PCDHGB1: variants seen among roughly 807,000 people sequenced by gnomAD.
PCDHGB1 encodes the protein protocadherin gamma subfamily B, 1, also known as protocadherin gamma-B1.
Under a neutral mutation model 56.6 loss-of-function variants are expected in PCDHGB1, and 34 were observed. The ratio of observed to expected loss-of-function variants is 0.60; its 90% CI spans 0.46 to 0.80. The LOEUF (loss-of-function observed/expected upper bound fraction) is 0.80. PCDHGB1 is among the 30% of genes least tolerant of loss of function. The probability of loss-of-function intolerance (pLI) is 0.00; values close to 1 mark genes in which losing one functional copy is unlikely to be tolerated. For missense variants in PCDHGB1, 1,278 were observed against 1,204.6 expected, an observed-to-expected ratio of 1.06 and a Z score of -0.90; for synonymous variants, 561 against 505.9, an observed-to-expected ratio of 1.11 and a Z score of -1.46.
chr5:141,393,085 ATCGGGAGGAGC>A (rs2092673421), intron 1 of PCDHGB1: 1 of 1,613,542 alleles, frequency 6.2e-7, no homozygotes, highest in African/African-American at 1.3e-5. Flanking sequence ...GGCAGGATAG[ATCGGGAGGAGC>A]TCTGCGCTCA....
At chr5:141,503,023 A>AAT (rs2099817696) in intron 2 of PCDHGB1, among the ~76,000 whole-genome samples, 1 of 141,888 alleles carries the variant, frequency 7.0e-6, no homozygotes, top group African/African-American at 2.6e-5. Context: ...TTTTTTTTTT[A>AAT]ATATCTATTT....
chr5:141,385,368 T>TG, intron 1 of PCDHGB1: 4 of 1,535,720 alleles, frequency 2.6e-6, no homozygotes, highest in Non-Finnish European at 3.5e-6. Flanking sequence ...TTTATTTGCA[T>TG]GATATTTCTC....
rs1313971451 is a variant in PCDHGB1 at position 141,367,488 on chromosome 5, G to T, written c.2409+14819G>T. On this transcript the variant is annotated intron_variant, in intron 1 of 3. Transcript: ENST00000523390. ...GGAGGAGGAGCTTGCAGTAAGCCGAGATCGCGCCACTGCACTCCAGCCTGG... is the reference window on the plus strand; with the variant it reads ...GGAGGAGGAGCTTGCAGTAAGCCGATATCGCGCCACTGCACTCCAGCCTGG... 2.0e-5 allele frequency: 3 copies of T among 152,134 alleles called. No individual in the cohort carries two copies. In the East Asian group the frequency reaches 5.8e-4, roughly 29 times the overall value. The allele number at this position is 152,134 out of a possible 1,614,324, so 9.4% of individuals were successfully genotyped here.
intron 1 of PCDHGB1, chr5:141,422,368 G>A: frequency 1.9e-6 from 3 of 1,565,294 alleles, no homozygotes; most frequent in Non-Finnish European, 2.6e-6. Context: ...TGGAGAAAAT[G>A]GTCAAGTCTC....
At chr5:141,387,885 A>C (rs748815627) in intron 1 of PCDHGB1, 1 of 1,578,800 alleles carries the variant, frequency 6.3e-7, no homozygotes, top group Non-Finnish European at 8.6e-7. Flanking sequence ...AGCAAGAGGG[A>C]TGGGGAGCGG....
At chr5:141,365,821 G>T (rs756787528) in intron 1 of PCDHGB1, 1 of 1,613,908 alleles carries the variant, frequency 6.2e-7, no homozygotes, top group East Asian at 2.2e-5. Flanking sequence ...ACACATTTCA[G>T]GGGGCGCCCT....
chr5:141,505,597 T>C, intron 3 of PCDHGB1, 116 bp downstream of exon 3: 1 of 1,558,330 alleles, frequency 6.4e-7, no homozygotes, highest in Non-Finnish European at 8.7e-7. Context: ...TCCAGATCTT[T>C]CGGCAGGTCT....
Position 141,375,615 on chromosome 5 carries a change from C to G in PCDHGB1, c.2409+22946C>G, listed in dbSNP as rs778578584. Reference sequence around the variant, plus strand: ...TCCTACGTGTCCATCAACTCCGACACTGGGATTCTGTACGCCCTGCGCTCC... The same window carrying G: ...TCCTACGTGTCCATCAACTCCGACAGTGGGATTCTGTACGCCCTGCGCTCC... On this transcript the variant is annotated intron_variant, in intron 1 of 3. Coordinates refer to ENST00000523390, the MANE Select transcript of PCDHGB1 (RefSeq NM_018922.3). The G allele has an allele frequency of 6.8e-6, 11 of 1,614,124 alleles. No homozygotes were observed. In the South Asian group the frequency reaches 1.2e-4, roughly 18 times the overall value.
At chr5:141,409,729 G>A (rs781234442) in intron 1 of PCDHGB1, 161 of 1,612,966 alleles carry the variant, frequency 1.0e-4, no homozygotes, top group Non-Finnish European at 1.7e-6. Context: ...CAGTGAGCGC[G>A]CAGAGCGGGG....
intron 1 of PCDHGB1, chr5:141,360,617 A>G (rs370246057): frequency 1.9e-6 from 3 of 1,613,924 alleles, no homozygotes; most frequent in Middle Eastern, 1.6e-4. Flanking sequence ...CTGGATTCAG[A>G]TGTTGGTCCT....
At position 141,432,872 on chromosome 5, in the gene PCDHGB1, C is replaced by T; in HGVS notation, c.2410-61935C>T. On this transcript the variant is annotated intron_variant, in intron 1 of 3. Transcript: ENST00000523390. This position sits in a 1 kb window ranked among gnomAD's most constrained non-coding sequence, Gnocchi z 6.0. ...GGTGGCCGCGGTCTCCTGCGTCTTC[C>T]TGGCCTTCGTCATCTTGCTGCTGGC... is the stretch of plus-strand genomic sequence containing the variant. 1.9e-6 allele frequency: 3 copies of T among 1,614,192 alleles called. No homozygotes were observed. Among genetic ancestry groups the T allele is most frequent in the Non-Finnish European group, 2.5e-6 (3 of 1,180,018 alleles).
intron 1 of PCDHGB1, chr5:141,393,333 C>G: frequency 6.3e-7 from 1 of 1,582,250 alleles, no homozygotes; most frequent in Non-Finnish European, 8.6e-7. Context: ...CCAGCTCAGC[C>G]CCAATCACCA....
At chr5:141,353,236 C>T (rs937859074) in intron 1 of PCDHGB1, among the ~76,000 whole-genome samples, 4 of 152,144 alleles carry the variant, frequency 2.6e-5, no homozygotes, top group African/African-American at 9.7e-5. Flanking sequence ...TTAGTAATAG[C>T]AGTGCCTTTT....
In PCDHGB1 at chr5:141,406,998, A is replaced by G. The variant is rs138992041; in HGVS notation, c.2409+54329A>G. ...AACATTTCACAAGACATTTGAAAAT[A>G]AGCTTTGAAGTTGACTCAAAATTCT... On this transcript the variant is annotated intron_variant, in intron 1 of 3. Transcript: ENST00000523390. 7.5e-3 allele frequency among the ~76,000 whole-genome samples: 1,140 copies of G among 152,352 alleles called. 5 individuals carry two copies. The highest frequency in any genetic ancestry group is 0.012 in the Non-Finnish European group (837 of 68,024).
intron 1 of PCDHGB1, chr5:141,422,771 T>C (rs2096671394): frequency 6.2e-7 from 1 of 1,613,954 alleles, no homozygotes; most frequent in Non-Finnish European, 8.5e-7. Flanking sequence ...ACTGGTGTTC[T>C]CTATGCCCTA....
chr5:141,505,450 G>T lies in PCDHGB1; in HGVS notation c.2526G>T (p.Met842Ile). Residue 842 changes from methionine (M) to isoleucine (I), a missense_variant, in exon 3 of 4, where the codon ATG becomes ATT. By Grantham distance (10) the Met-to-Ile change is conservative (BLOSUM62 1). Coordinates refer to ENST00000523390, the MANE Select transcript of PCDHGB1 (RefSeq NM_018922.3). ...TWPNNQFDTE[M>I]LQAMILASAS... ...CCAACAACCAGTTTGACACAGAGAT[G>T]CTGCAAGCCATGATCTTGGCGTCCG... 6.2e-7 allele frequency: 1 copy of T among 1,614,194 alleles called. No homozygotes were observed. The highest frequency in any genetic ancestry group is 8.5e-7 in the Non-Finnish European group (1 of 1,180,012).
At chr5:141,390,045 T>G in intron 1 of PCDHGB1, 1 of 1,614,076 alleles carries the variant, frequency 6.2e-7, no homozygotes, top group Non-Finnish European at 8.5e-7. Context: ...CAGCCCCGCC[T>G]CCTGGAGCTG....
intron 1 of PCDHGB1, chr5:141,372,658 G>A: frequency 1.9e-6 from 3 of 1,614,020 alleles, no homozygotes; most frequent in African/African-American, 1.3e-5. Context: ...TACAATCCGT[G>A]TGCTGCCTCA....
chr5:141,382,948 T>C, intron 1 of PCDHGB1: 4 of 1,599,496 alleles, frequency 2.5e-6, no homozygotes, highest in Non-Finnish European at 3.4e-6. Flanking sequence ...CTTCCTGCTC[T>C]CCATCCTCCT....
Sources: gnomAD v4.1 joint callset for allele counts (sites outside exome capture counted in the v4.1 genomes callset) on GRCh38, gnomAD v4.1.1 for gene constraint, Gnocchi (gnomAD v3.1) non-coding constraint, MANE v1.5 for transcripts, NCBI Gene and HGNC (gene_info 2026-07-23, HGNC 2026-07-21) for gene names.